EP300: variants seen among roughly 807,000 people sequenced by gnomAD.
The protein encoded by EP300 is histone acetyltransferase p300.
A neutral mutation model predicts 264.0 loss-of-function variants in EP300; 31 were observed. The ratio of observed to expected loss-of-function variants is 0.12; its 90% confidence interval spans 0.09 to 0.16. The LOEUF (loss-of-function observed/expected upper bound fraction) is 0.16. EP300 is among the 10% of genes least tolerant of loss of function. EP300 has a pLI of 1.00. For missense variants in EP300, 2,766 were observed against 3,052.9 expected (o/e 0.91, Z 2.21); for synonymous variants, 1,340 against 1,045.4 (o/e 1.28, Z -5.44).
intron 1 of EP300, among the ~76,000 whole-genome samples, chr22:41,097,472 G>A (rs1219832533): frequency 2.0e-5 from 3 of 152,138 alleles, no homozygotes; most frequent in Non-Finnish European, 4.4e-5. Flanking sequence ...AATGGAAACA[G>A]TTGAAAATTA....
At position 41,146,809 on chromosome 22, in the gene EP300, A is replaced by G. The variant is rs2059013163; in HGVS notation, c.2124A>G (p.Pro708=). 1 of 1,614,046 alleles carries G rather than the reference A, an allele frequency of 6.2e-7. No individual in the cohort carries two copies. The highest frequency in any genetic ancestry group is 8.5e-7 in the Non-Finnish European group (1 of 1,179,954). Residue 708 remains proline, a synonymous_variant, in exon 11 of 31, where the codon CCA becomes CCG. Coordinates refer to ENST00000263253, the MANE Select transcript of EP300 (RefSeq NM_001429.4). The part of the protein sequence containing the change: ...VPNQMMPRIT[P]QSGLNQFGQM... Reference sequence around the variant, plus strand: ...ACCAGATGATGCCTCGAATAACTCCACAATCTGGTAAATAGTGAAAAAAAT... The same window carrying G: ...ACCAGATGATGCCTCGAATAACTCCGCAATCTGGTAAATAGTGAAAAAAAT...
At chr22:41,153,054 C>T (rs1310733490) in intron 16 of EP300, among the ~76,000 whole-genome samples, 1 of 152,120 alleles carries the variant, frequency 6.6e-6, no homozygotes, top group South Asian at 2.1e-4. Flanking sequence ...CCACACCCGG[C>T]CTCATTTAAT....
At chr22:41,115,001 A>G (rs1383479012) in intron 1 of EP300, among the ~76,000 whole-genome samples, 1 of 152,180 alleles carries the variant, frequency 6.6e-6, no homozygotes, top group Non-Finnish European at 1.5e-5. Context: ...AAGGTCTCAC[A>G]GTGCCCAGAC....
rs1283783047 is a variant in EP300, at chr22:41,178,815, C to T, written c.7104C>T (p.Asp2368=). 2.5e-6 allele frequency: 4 copies of T among 1,614,174 alleles called. No individual in the cohort carries two copies. Among genetic ancestry groups the T allele is most frequent in the Non-Finnish European group, 2.5e-6 (3 of 1,180,036 alleles). The change falls in exon 31 of 31, where the codon GAC becomes GAT. Residue 2368 remains aspartate (D), a synonymous_variant. Transcript: ENST00000263253. ...AACAAGGGCATTTTGCCAGCCCGGA[C>T]CAGAATTCAATGCTTTCTCAGCTTG... ...PMEQGHFASP[D]QNSMLSQLAS...
At position 41,149,136 on chromosome 22, in the gene EP300, C is replaced by G. The variant is rs752268285; in HGVS notation, c.2340C>G (p.Ile780Met). The stretch of plus-strand genomic sequence containing the variant: ...CACAGGGAATGAATGTAACAAATAT[C>G]CCTTTGGCTCCGTCCAGCGGTCAAG... ...FPSQGMNVTNIPLAPSSGQAP... is the reference protein window; with the variant it reads ...FPSQGMNVTNMPLAPSSGQAP... The change falls in exon 13 of 31, where the codon ATC (isoleucine) becomes ATG (methionine). Residue 780 changes from isoleucine (I) to methionine (M), a missense_variant. Coordinates refer to ENST00000263253, the MANE Select transcript of EP300 (RefSeq NM_001429.4). The G allele has an allele frequency of 6.2e-7, 1 of 1,613,640 alleles. No homozygotes were observed. Among genetic ancestry groups the G allele is most frequent in the Middle Eastern group, 1.6e-4 (1 of 6,062 alleles).
In EP300 at chr22:41,150,120, G is replaced by C; in HGVS notation, c.2739G>C (p.Gln913His). The change falls in exon 14 of 31, where the codon CAG (glutamine) becomes CAC (histidine). Residue 913 changes from glutamine to histidine, a missense_variant. Transcript: ENST00000263253. The part of the protein sequence containing the change: ...AAPSADQPQQ[Q>H]PRSQQSTAAS... Reference sequence around the variant, plus strand: ...CTTCTGCTGACCAGCCCCAGCAGCAGCCTCGCTCACAGCAGAGCACAGCAG... The same window carrying C: ...CTTCTGCTGACCAGCCCCAGCAGCACCCTCGCTCACAGCAGAGCACAGCAG... 2 of 1,613,118 alleles carry C rather than the reference G, an allele frequency of 1.2e-6. No individual in the cohort carries two copies. The highest frequency in any genetic ancestry group is 8.5e-7 in the Non-Finnish European group (1 of 1,180,008).
intron 1 of EP300, among the ~76,000 whole-genome samples, chr22:41,109,128 G>C (rs1172665959): frequency 2.0e-5 from 3 of 151,874 alleles, no homozygotes; most frequent in African/African-American, 7.3e-5. Context: ...AAAAAATTAG[G>C]TGTGGTGATG....
At chr22:41,175,545 T>G (rs1220894405) in intron 29 of EP300, among the ~76,000 whole-genome samples, 1 of 152,196 alleles carries the variant, frequency 6.6e-6, no homozygotes, top group Non-Finnish European at 1.5e-5. Context: ...AGACTAAGAT[T>G]TTTTATCCAT....
Position 41,172,525 on chromosome 22 carries a change from T to C in EP300, c.4479T>C (p.Asp1493=). 3 of 1,613,868 alleles carry C rather than the reference T, an allele frequency of 1.9e-6. No homozygotes were observed. The highest frequency in any genetic ancestry group is 1.1e-5 in the South Asian group (1 of 91,068). ...YKDIFKQATE[D]RLTSAKELPY... ...ATATTTTTAAACAAGCTACTGAAGA[T>C]AGATTAACAAGTGCAAAGGAATTGC... The change falls in exon 28 of 31, where the codon GAT becomes GAC. Residue 1493 remains aspartate (D), a synonymous_variant. Transcript: ENST00000263253.
At position 41,093,040 on chromosome 22, in the gene EP300, A is replaced by G. The variant is rs2145665538; in HGVS notation, c.36A>G (p.Ser12=). 1.2e-6 allele frequency: 2 copies of G among 1,614,138 alleles called. No homozygotes were observed. The highest frequency in any genetic ancestry group is 1.7e-6 in the Non-Finnish European group (2 of 1,180,022). The part of the protein sequence containing the change: ...AENVVEPGPP[S]AKRPKLSSPA... ...ATGTGGTGGAACCGGGGCCGCCTTC[A>G]GCCAAGCGGCCTAAACTCTCATCTC... Residue 12 remains serine, a synonymous_variant, in exon 1 of 31, where the codon TCA becomes TCG. Coordinates refer to ENST00000263253, the MANE Select transcript of EP300 (RefSeq NM_001429.4).
At position 41,152,009 on chromosome 22, in the gene EP300, A is replaced by G; in HGVS notation, c.2994A>G (p.Ser998=). 1 of 1,614,216 alleles carries G rather than the reference A, an allele frequency of 6.2e-7. No homozygotes were observed. Among genetic ancestry groups the G allele is most frequent in the Non-Finnish European group, 8.5e-7 (1 of 1,180,032 alleles). The part of the protein sequence containing the change: ...EPADTQPEDI[S]ESKVEDCKME... ...CAGATACTCAGCCGGAGGATATTTC[A>G]GAGGTGAGAGTAGGGCAATTACTGT... Residue 998 remains serine (S), a synonymous_variant, in exon 15 of 31, where the codon TCA becomes TCG. Transcript: ENST00000263253.
intron 2 of EP300, among the ~76,000 whole-genome samples, chr22:41,118,371 T>C (rs1338185573): frequency 2.6e-5 from 4 of 152,268 alleles, no homozygotes; most frequent in African/African-American, 9.6e-5. Context: ...GAATGCTAAG[T>C]ATATTAAAAA....
chr22:41,104,978 CA>C (rs1240717554), intron 1 of EP300, among the ~76,000 whole-genome samples: 5 of 152,018 alleles, frequency 3.3e-5, no homozygotes, highest in Admixed American at 3.3e-4. Flanking sequence ...TCCTGGGTAA[CA>C]CGGTGTAACC....
Position 41,117,430 on chromosome 22 carries a change from C to T in EP300, c.338C>T (p.Pro113Leu), listed in dbSNP as rs756031537. The change falls in exon 2 of 31, where the codon CCT (proline) becomes CTT (leucine). Residue 113 changes from proline to leucine, a missense_variant. Coordinates refer to ENST00000263253, the MANE Select transcript of EP300 (RefSeq NM_001429.4). Reference protein sequence around the residue: ...VMASQAQQSSPGLGLINSMVK... With the variant: ...VMASQAQQSSLGLGLINSMVK... Reference sequence around the variant, plus strand: ...GCCAGCCAGGCCCAACAGAGCAGTCCTGGATTAGGTTTGATAAATAGCATG... The same window carrying T: ...GCCAGCCAGGCCCAACAGAGCAGTCTTGGATTAGGTTTGATAAATAGCATG... 1.9e-6 allele frequency: 3 copies of T among 1,614,172 alleles called. No individual in the cohort carries two copies. The highest frequency in any genetic ancestry group is 2.5e-6 in the Non-Finnish European group (3 of 1,180,038).
chr22:41,117,328 A>G lies in EP300; in HGVS notation c.236A>G (p.Lys79Arg). Residue 79 changes from lysine to arginine, a missense_variant, in exon 2 of 31, where the codon AAA (lysine) becomes AGA (arginine). Physicochemically the swap from Lys to Arg is conservative, Grantham distance 26. Coordinates refer to ENST00000263253, the MANE Select transcript of EP300 (RefSeq NM_001429.4). ...GMVQDAASKH[K>R]QLSELLRSGS... is the part of the protein sequence containing the mutation. ...GTACAAGATGCAGCTTCTAAACATA[A>G]ACAGCTGTCAGAATTGCTGCGATCT... The G allele has an allele frequency of 6.2e-7, 1 of 1,614,186 alleles. No homozygotes were observed. The highest frequency in any genetic ancestry group is 1.6e-4 in the Middle Eastern group (1 of 6,062).
At chr22:41,130,270 AG>A (rs376620484) in intron 5 of EP300, among the ~76,000 whole-genome samples, 1 of 151,024 alleles carries the variant, frequency 6.6e-6, no homozygotes, top group Non-Finnish European at 1.5e-5. Flanking sequence ...AAAAAAAAAA[AG>A]AAAGAAAAAA....
chr22:41,162,889 C>A, intron 21 of EP300, 110 bp downstream of exon 21: 1 of 889,900 alleles, frequency 1.1e-6, no homozygotes, highest in African/African-American at 1.6e-5. Flanking sequence ...TGGGCTAAAT[C>A]TACATAACAT....
chr22:41,104,165 T>C (rs2058745786), intron 1 of EP300, among the ~76,000 whole-genome samples: 1 of 152,208 alleles, frequency 6.6e-6, no homozygotes, highest in Non-Finnish European at 1.5e-5. Context: ...CAAGGTTTGC[T>C]CAAAATCAAG....
At chr22:41,154,970 T>C (rs2059068472) in intron 16 of EP300, 25 bp from the exon 17 acceptor site, 2 of 1,508,664 alleles carry the variant, frequency 1.3e-6, no homozygotes, top group South Asian at 1.1e-5. Context: ...GGTAACTAAT[T>C]TCAAATGCAC....
Sources: gnomAD v4.1 joint callset for allele counts (sites outside exome capture counted in the v4.1 genomes callset) on GRCh38, gnomAD v4.1.1 for gene constraint, MANE v1.5 for transcripts, NCBI Gene and HGNC (gene_info 2026-07-23, HGNC 2026-07-21) for gene names.